Variants in CNTLN observed in about 807,000 individuals in gnomAD.
The protein encoded by CNTLN is centlein, centrosomal protein.
Under a neutral mutation model 180.0 loss-of-function variants are expected in CNTLN, and 212 were observed. That is an observed-to-expected ratio of 1.18 (90% confidence interval 1.05 to 1.32). The LOEUF is 1.32. Ranked by LOEUF, CNTLN falls within the 40% of genes most tolerant of loss-of-function variation. The pLI, the probability that CNTLN is intolerant of heterozygous loss-of-function variation, is 0.00. For missense variants in CNTLN, 2,095 were observed against 1,610.9 expected (o/e 1.30, Z -5.14); for synonymous variants, 722 against 563.1 (o/e 1.28, Z -3.99).
In CNTLN at chr9:17,324,834, C is replaced by G. The variant is rs938257993; in HGVS notation, c.1342-5798C>G. On this transcript the variant is annotated intron_variant, in intron 8 of 25. Transcript: ENST00000380647. ...CTAAAGGAAAGCTAAATTTGACTGACTTGTTTATTACTGAATTTTGCTATA... is the reference window on the plus strand; with the variant it reads ...CTAAAGGAAAGCTAAATTTGACTGAGTTGTTTATTACTGAATTTTGCTATA... Among the ~76,000 whole-genome samples the G allele has an allele frequency of 2.4e-4, 37 of 151,994 alleles. 1 individual carries two copies. The highest frequency in any genetic ancestry group is 1.0e-4 in the Non-Finnish European group (7 of 67,944).
intron 6 of CNTLN, among the ~76,000 whole-genome samples, chr9:17,287,447 A>G (rs1481245857): frequency 1.3e-5 from 2 of 150,960 alleles, no homozygotes; most frequent in Admixed American, 6.6e-5. Flanking sequence ...ATGTTCATCA[A>G]GGATATTGGT....
rs142947229 is a variant in CNTLN at position 17,158,640 on chromosome 9, G to T, written c.449+15264G>T. 2.9e-3 allele frequency among the ~76,000 whole-genome samples: 443 copies of T among 151,962 alleles called. 5 individuals are homozygous for T. Among genetic ancestry groups the T allele is most frequent in the African/African-American group, 0.01 (422 of 41,486 alleles). On this transcript the variant is annotated intron_variant, in intron 2 of 25. Coordinates refer to ENST00000380647, the MANE Select transcript of CNTLN (RefSeq NM_017738.4). ...CTAAGAATTTTCACATTTCTTCTAG[G>T]TTATCTAATTTGCTGGGTATAGTTG...
intron 10 of CNTLN, among the ~76,000 whole-genome samples, chr9:17,333,014 C>G (rs1820747097): frequency 6.6e-6 from 1 of 151,942 alleles, no homozygotes; most frequent in African/African-American, 2.4e-5. Context: ...TTCCCAAAGG[C>G]AAAAAATAGA....
chr9:17,239,178 G>A (rs530197879), intron 5 of CNTLN, among the ~76,000 whole-genome samples: 5 of 152,150 alleles, frequency 3.3e-5, no homozygotes, highest in African/African-American at 1.2e-4. Flanking sequence ...TACTACAGGC[G>A]CGTGCCACCA....
intron 25 of CNTLN, 49 bp from the exon 26 acceptor site, chr9:17,502,502 C>A: frequency 1.1e-6 from 1 of 886,714 alleles, no homozygotes; most frequent in Admixed American, 3.1e-5. Context: ...TGTTTTTGAA[C>A]TGAAGAAAAT....
intron 3 of CNTLN, among the ~76,000 whole-genome samples, chr9:17,229,959 T>TA (rs1389617558): frequency 6.6e-6 from 1 of 152,122 alleles, no homozygotes; most frequent in Non-Finnish European, 1.5e-5. Flanking sequence ...TCAGTTTTCT[T>TA]AAAAAGAAAA....
At chr9:17,379,913 T>C (rs1341578692) in intron 13 of CNTLN, among the ~76,000 whole-genome samples, 1 of 151,522 alleles carries the variant, frequency 6.6e-6, no homozygotes, top group African/African-American at 2.4e-5. Flanking sequence ...AAATTTCTCT[T>C]TACTGAAAAT....
In CNTLN at chr9:17,497,309, T is replaced by A. The variant is rs1277401977; in HGVS notation, c.4120-5242T>A. On this transcript the variant is annotated intron_variant, in intron 25 of 25. Transcript: ENST00000380647. The stretch of plus-strand genomic sequence containing the variant: ...CAAGTTTTGGGGACGAGAATTATAG[T>A]GTCACACAGGAACCAGACAAGAAGC... 2.6e-5 allele frequency among the ~76,000 whole-genome samples: 4 copies of A among 152,276 alleles called. No individual in the cohort carries two copies. The East Asian group carries it at 7.7e-4, about 29-fold the overall frequency.
chr9:17,177,303 GGA>G (rs1563850909), intron 2 of CNTLN, among the ~76,000 whole-genome samples: 2 of 152,186 alleles, frequency 1.3e-5, no homozygotes, highest in Admixed American at 6.5e-5. Flanking sequence ...CAGCTGCTCT[GGA>G]GGCTGAGGTA....
intron 2 of CNTLN, among the ~76,000 whole-genome samples, chr9:17,157,990 A>G (rs925613753): frequency 6.6e-6 from 1 of 152,200 alleles, no homozygotes; most frequent in Admixed American, 6.5e-5. Flanking sequence ...TGTAAGATAT[A>G]TGTTAAACAG....
intron 2 of CNTLN, among the ~76,000 whole-genome samples, chr9:17,162,194 A>C (rs138349087): frequency 0.022 from 3,302 of 151,904 alleles, 130 homozygotes; most frequent in African/African-American, 0.077. Context: ...AGCTCACTGC[A>C]AGCTCCACCT....
intron 8 of CNTLN, among the ~76,000 whole-genome samples, chr9:17,328,285 A>G (rs202166467): frequency 1.3e-5 from 2 of 152,314 alleles, no homozygotes; most frequent in East Asian, 1.9e-4. Flanking sequence ...AGCAGATTAT[A>G]CTTCTACCCA....
At chr9:17,420,806 C>T (rs192110084) in intron 18 of CNTLN, among the ~76,000 whole-genome samples, 13 of 152,064 alleles carry the variant, frequency 8.5e-5, no homozygotes, top group Admixed American at 2.0e-4. Flanking sequence ...TTTCTTGTTT[C>T]TTAATTTCTT....
intron 14 of CNTLN, among the ~76,000 whole-genome samples, chr9:17,393,534 T>A (rs1243283145): frequency 6.6e-6 from 1 of 152,112 alleles, no homozygotes; most frequent in Non-Finnish European, 1.5e-5. Flanking sequence ...TGAATTTGGA[T>A]CCCAGTTGAA....
At chr9:17,348,768 AAT>A (rs1290000028) in intron 12 of CNTLN, among the ~76,000 whole-genome samples, 1 of 151,920 alleles carries the variant, frequency 6.6e-6, no homozygotes, top group Non-Finnish European at 1.5e-5. Context: ...GACCTCAAGT[AAT>A]CCACTTGCCT....
In CNTLN at chr9:17,366,691, A is replaced by G. The variant is rs751306390; in HGVS notation, c.1961A>G (p.Asn654Ser). Reference protein sequence around the residue: ...SIDKAAIQELNRCVAERREEQ... With the variant: ...SIDKAAIQELSRCVAERREEQ... Reference sequence around the variant, plus strand: ...GATAAGGCAGCAATACAAGAATTGAATAGATGTGTGGCAGAGAGAAGAGAA... The same window carrying G: ...GATAAGGCAGCAATACAAGAATTGAGTAGATGTGTGGCAGAGAGAAGAGAA... Residue 654 changes from asparagine (N) to serine (S), a missense_variant, in exon 13 of 26, where the codon AAT (asparagine) becomes AGT (serine). By Grantham distance (46) the Asn-to-Ser change is conservative. Coordinates refer to ENST00000380647, the MANE Select transcript of CNTLN (RefSeq NM_017738.4). The G allele has an allele frequency of 3.2e-6, 5 of 1,582,976 alleles. No individual in the cohort carries two copies. Among genetic ancestry groups the G allele is most frequent in the Non-Finnish European group, 4.3e-6 (5 of 1,159,066 alleles).
chr9:17,349,480 TAA>T (rs1822184871), intron 12 of CNTLN, among the ~76,000 whole-genome samples: 1 of 152,188 alleles, frequency 6.6e-6, no homozygotes, highest in African/African-American at 2.4e-5. Context: ...AATCGAATTT[TAA>T]AAGTTAACTT....
At chr9:17,436,422 A>G (rs1213304117) in intron 18 of CNTLN, among the ~76,000 whole-genome samples, 3 of 152,210 alleles carry the variant, frequency 2.0e-5, no homozygotes, top group Admixed American at 6.5e-5. Flanking sequence ...ATAATCTTAA[A>G]TTAGTTTAAT....
At chr9:17,457,233 G>T (rs1233392591) in intron 18 of CNTLN, among the ~76,000 whole-genome samples, 2 of 151,996 alleles carry the variant, frequency 1.3e-5, no homozygotes, top group Non-Finnish European at 2.9e-5. Flanking sequence ...TGAATGTCTG[G>T]CTCACCCATG....
Sources: allele counts gnomAD v4.1 joint callset (sites outside exome capture counted in the v4.1 genomes callset), GRCh38; gene constraint gnomAD v4.1.1; transcripts MANE v1.5; gene names NCBI Gene and HGNC (gene_info 2026-07-23, HGNC 2026-07-21).